AIMP2: variants seen among roughly 807,000 people sequenced by gnomAD.
The protein encoded by AIMP2 is aminoacyl tRNA synthase complex-interacting multifunctional protein 2.
AIMP2 carries 20 observed loss-of-function variants against 23.4 expected under a neutral mutation model. The observed-to-expected ratio is 0.85, with a 90% CI of 0.60 to 1.24. AIMP2 has a LOEUF of 1.24. Among genes scored for constraint, AIMP2 ranks in the 50% most tolerant of loss-of-function variants. The pLI is 0.00. For missense variants in AIMP2, 515 were observed against 414.5 expected, an observed-to-expected ratio of 1.24 and a Z score of -2.10; for synonymous variants, 210 against 170.4, an observed-to-expected ratio of 1.23 and a Z score of -1.81.
chr7:6,013,131 ATTGGG>A, intron 1 of AIMP2: 1 of 266,220 alleles, frequency 3.8e-6, no homozygotes, highest in Non-Finnish European at 5.8e-6. Context: ...AAAGGACGAA[ATTGGG>A]TGAGGTAAGG....
intron 2 of AIMP2, among the ~76,000 whole-genome samples, chr7:6,015,616 C>T (rs987927680): frequency 1.3e-5 from 2 of 152,056 alleles, no homozygotes; most frequent in East Asian, 1.9e-4. Flanking sequence ...CCCAGCTACT[C>T]GGGAGGCTGA....
chr7:6,016,259 CAAAG>C (rs1787025736), intron 2 of AIMP2, among the ~76,000 whole-genome samples: 1 of 152,098 alleles, frequency 6.6e-6, no homozygotes, highest in Non-Finnish European at 1.5e-5. Flanking sequence ...ATCTGATATG[CAAAG>C]AAAGACCACC....
At position 6,012,924 on chromosome 7, in the gene AIMP2, C is replaced by T. The variant is rs867063313; in HGVS notation, c.136-2222C>T. 11 of 989,104 alleles carry T rather than the reference C, an allele frequency of 1.1e-5. No individual in the cohort carries two copies. The Admixed American group carries it at 1.8e-4, about 16-fold the overall frequency. The allele number at this position is 989,104 out of a possible 1,614,324, so 61.3% of individuals were successfully genotyped here. On this transcript the variant is annotated intron_variant, in intron 1 of 3. Coordinates refer to ENST00000223029, the MANE Select transcript of AIMP2 (RefSeq NM_006303.4). Reference sequence around the variant, plus strand: ...GTCAGTGGACTTCACATTTCTCTGACGTTTGATCTTAAATAAGAGCAGCAG... The same window carrying T: ...GTCAGTGGACTTCACATTTCTCTGATGTTTGATCTTAAATAAGAGCAGCAG...
chr7:6,012,223 A>G (rs1037061500), intron 1 of AIMP2, among the ~76,000 whole-genome samples: 41 of 151,794 alleles, frequency 2.7e-4, no homozygotes, highest in African/African-American at 9.4e-4. Flanking sequence ...ACTGGACTCC[A>G]GCATGGGCAA....
chr7:6,021,508 G>A (rs1436629763), intron 3 of AIMP2, among the ~76,000 whole-genome samples: 3 of 152,066 alleles, frequency 2.0e-5, no homozygotes. Context: ...GACTTCATAG[G>A]ATTTACGACA....
chr7:6,017,900 T>C lies in AIMP2; in HGVS notation c.429T>C (p.Cys143=). 5.0e-6 allele frequency: 8 copies of C among 1,614,122 alleles called. No individual in the cohort carries two copies. Among genetic ancestry groups the C allele is most frequent in the Non-Finnish European group, 6.8e-6 (8 of 1,180,016 alleles). The change falls in exon 3 of 4, where the codon TGT becomes TGC. Residue 143 remains cysteine (C), a synonymous_variant. Transcript: ENST00000223029. ...LSLLVLHRLL[C]EHFRVLSTVH... is the part of the protein sequence containing the mutation. ...TGCTTGTGCTGCACAGGCTGCTCTGTGAGCACTTCAGGGTCCTGTCCACGG... is the reference window on the plus strand; with the variant it reads ...TGCTTGTGCTGCACAGGCTGCTCTGCGAGCACTTCAGGGTCCTGTCCACGG...
chr7:6,016,798 G>C (rs1261268703), intron 2 of AIMP2: 1 of 152,258 alleles, frequency 6.6e-6, no homozygotes, highest in Admixed American at 6.5e-5. Context: ...GAGTTTGGCC[G>C]TGAGTGTTCA....
chr7:6,017,201 G>C (rs1787077386), intron 2 of AIMP2, among the ~76,000 whole-genome samples: 1 of 152,056 alleles, frequency 6.6e-6, no homozygotes, highest in Admixed American at 6.6e-5. Context: ...AATAACTGCA[G>C]GTTAAAAGGG....
At chr7:6,023,183 A>C (rs1787557973) in intron 3 of AIMP2, 120 bp from the exon 4 acceptor site, 12 of 1,219,922 alleles carry the variant, frequency 9.8e-6, no homozygotes, top group Non-Finnish European at 1.3e-5. Flanking sequence ...GTTCTTCTTG[A>C]AAACACCCTT....
intron 2 of AIMP2, 112 bp downstream of exon 2, chr7:6,015,464 C>T (rs1786968618): frequency 6.0e-6 from 7 of 1,170,778 alleles, no homozygotes; most frequent in Admixed American, 2.1e-5. Context: ...GTGGCTCACG[C>T]CTGTAATTCC....
intron 2 of AIMP2, among the ~76,000 whole-genome samples, chr7:6,015,623 C>T (rs1389409071): frequency 2.6e-5 from 4 of 152,328 alleles, no homozygotes; most frequent in African/African-American, 9.6e-5. Context: ...ACTCGGGAGG[C>T]TGAGGCAGGA....
Position 6,017,970 on chromosome 7 carries a change from A to G in AIMP2, c.499A>G (p.Lys167Glu). The stretch of plus-strand genomic sequence containing the variant: ...CAAGAGCGTGCCTGAAAACCTTCTC[A>G]AGTGCTTTGGAGAACAGAATAAAAA... Reference protein sequence around the residue: ...SVKSVPENLLKCFGEQNKKQP... With the variant: ...SVKSVPENLLECFGEQNKKQP... Residue 167 changes from lysine to glutamate, a missense_variant, in exon 3 of 4, where the codon AAG becomes GAG. By Grantham distance (56) the Lys-to-Glu change is moderately conservative. Transcript: ENST00000223029. 6.2e-7 allele frequency: 1 copy of G among 1,613,820 alleles called. No individual in the cohort carries two copies. The highest frequency in any genetic ancestry group is 1.3e-5 in the African/African-American group (1 of 74,916).
intron 1 of AIMP2, chr7:6,012,869 T>C: frequency 1.0e-6 from 1 of 992,910 alleles, no homozygotes; most frequent in Non-Finnish European, 1.2e-6. Context: ...AATAATTTAA[T>C]TGGCATACTG....
intron 3 of AIMP2, chr7:6,022,853 A>T (rs925767832): frequency 6.1e-6 from 1 of 163,190 alleles, no homozygotes; most frequent in African/African-American, 2.4e-5. Flanking sequence ...TGTATTGACT[A>T]TCCCACAGAT....
At position 6,009,508 on chromosome 7, in the gene AIMP2, C is replaced by CG. The variant is rs758578324; in HGVS notation, c.135+14dup. On this transcript the variant is annotated intron_variant, in intron 1 of 3. Coordinates refer to ENST00000223029, the MANE Select transcript of AIMP2 (RefSeq NM_006303.4). The stretch of plus-strand genomic sequence containing the variant: ...CGCTGGCCACGTGCAGGTAGGAGCG[C>CG]GGGGCCCCCCGCCCAGTGCGCACGC... The CG allele has an allele frequency of 2.1e-4, 311 of 1,502,158 alleles. No homozygotes were observed. The highest frequency in any genetic ancestry group is 5.2e-4 in the Admixed American group (21 of 40,330). 93.1% of individuals were successfully genotyped at this position (1,502,158 alleles called of 1,614,324 possible).
intron 1 of AIMP2, among the ~76,000 whole-genome samples, chr7:6,010,727 G>C (rs1786612911): frequency 6.6e-6 from 1 of 151,856 alleles, no homozygotes; most frequent in African/African-American, 2.4e-5. Flanking sequence ...GGGATTACAG[G>C]TGTGAGCCAC....
At chr7:6,010,965 G>C (rs1056147803) in intron 1 of AIMP2, among the ~76,000 whole-genome samples, 8 of 152,086 alleles carry the variant, frequency 5.3e-5, no homozygotes, top group African/African-American at 1.9e-4. Context: ...CTGGGTCCCA[G>C]CCCTGGCTTC....
rs767186611 is a variant in AIMP2, at chr7:6,009,470, G to C, written c.107G>C (p.Gly36Ala). 6.3e-7 allele frequency: 1 copy of C among 1,590,422 alleles called. No individual in the cohort carries two copies. Among genetic ancestry groups the C allele is most frequent in the African/African-American group, 1.4e-5 (1 of 73,294 alleles). The change falls in exon 1 of 4, where the codon GGC becomes GCC. Residue 36 changes from glycine (G) to alanine (A), a missense_variant. Coordinates refer to ENST00000223029, the MANE Select transcript of AIMP2 (RefSeq NM_006303.4). The part of the protein sequence containing the change: ...RLPNVHGRSY[G>A]PAPGAGHVQE... ...CCCAACGTGCACGGCAGGAGCTACG[G>C]CCCAGCGCCGGGCGCTGGCCACGTG...
intron 1 of AIMP2, among the ~76,000 whole-genome samples, chr7:6,014,203 C>T (rs1304790326): frequency 6.7e-6 from 1 of 149,770 alleles, no homozygotes; most frequent in African/African-American, 2.5e-5. Context: ...AAATAGGAAC[C>T]ATACAATTTC....
Sources: allele counts gnomAD v4.1 joint callset (sites outside exome capture counted in the v4.1 genomes callset), GRCh38; gene constraint gnomAD v4.1.1; transcripts MANE v1.5; gene names NCBI Gene and HGNC (gene_info 2026-07-23, HGNC 2026-07-21).